Variants in PEX14 observed in about 807,000 individuals in gnomAD.
PEX14 encodes peroxisomal membrane protein PEX14.
Under a neutral mutation model 49.5 loss-of-function variants are expected in PEX14, and 15 were observed. The observed-to-expected ratio is 0.30, with a 90% confidence interval of 0.20 to 0.47. PEX14 has a LOEUF of 0.47. Among genes scored for constraint, PEX14 ranks in the 20% least tolerant of loss-of-function variants. PEX14 has a pLI of 1.00. For synonymous variants in PEX14, 210 were observed against 212.7 expected (o/e 0.99, Z 0.11); for missense variants, 398 against 494.8 (o/e 0.80, Z 1.86).
At chr1:10,563,051 A>T (rs2124533109) in intron 3 of PEX14, among the ~76,000 whole-genome samples, 1 of 148,326 alleles carries the variant, frequency 6.7e-6, no homozygotes, top group South Asian at 2.2e-4. Flanking sequence ...AGCTGGGATT[A>T]CAGGTGCACA....
intron 3 of PEX14, among the ~76,000 whole-genome samples, chr1:10,549,200 A>G (rs1639265379): frequency 6.6e-6 from 1 of 152,192 alleles, no homozygotes; most frequent in Admixed American, 6.5e-5. Context: ...TTTCAATGAA[A>G]CTGAAAGTGC....
At chr1:10,602,005 C>G (rs904164201) in intron 4 of PEX14, among the ~76,000 whole-genome samples, 3 of 152,176 alleles carry the variant, frequency 2.0e-5, no homozygotes, top group Admixed American at 6.5e-5. Flanking sequence ...TCTGGTTGAT[C>G]ACAGAGTTGG....
At chr1:10,578,613 C>T (rs1216497327) in intron 3 of PEX14, among the ~76,000 whole-genome samples, 1 of 151,808 alleles carries the variant, frequency 6.6e-6, no homozygotes, top group Non-Finnish European at 1.5e-5. Context: ...TTAATAGAAA[C>T]AAATTCACAG....
chr1:10,591,877 G>T (rs2124589401), intron 3 of PEX14, among the ~76,000 whole-genome samples: 1 of 152,268 alleles, frequency 6.6e-6, no homozygotes, highest in Admixed American at 6.5e-5. Context: ...CCCCGTGTGG[G>T]AATCCAATTC....
chr1:10,610,524 C>T (rs1301484567), intron 4 of PEX14, among the ~76,000 whole-genome samples: 1 of 151,706 alleles, frequency 6.6e-6, no homozygotes, highest in African/African-American at 2.4e-5. Flanking sequence ...TCTTGTTGCC[C>T]AGGCTGGAGT....
At chr1:10,564,548 A>G (rs2124537572) in intron 3 of PEX14, among the ~76,000 whole-genome samples, 1 of 150,736 alleles carries the variant, frequency 6.6e-6, no homozygotes, top group Admixed American at 6.6e-5. Context: ...AGTAACTGGG[A>G]CTACAGGTGT....
At chr1:10,548,393 A>C (rs1029097835) in intron 3 of PEX14, among the ~76,000 whole-genome samples, 4 of 152,246 alleles carry the variant, frequency 2.6e-5, no homozygotes, top group Non-Finnish European at 5.9e-5. Context: ...AGAAGCAGGG[A>C]TTTTTGAAAC....
At chr1:10,498,704 C>G (rs1252574402) in intron 2 of PEX14, among the ~76,000 whole-genome samples, 2 of 152,188 alleles carry the variant, frequency 1.3e-5, no homozygotes, top group African/African-American at 4.8e-5. Flanking sequence ...GTCATTAGGG[C>G]TAGAGATTGG....
chr1:10,551,541 C>T (rs1427749864), intron 3 of PEX14, among the ~76,000 whole-genome samples: 1 of 152,162 alleles, frequency 6.6e-6, no homozygotes, highest in East Asian at 1.9e-4. Context: ...AAATGTATTT[C>T]ACGCATACTG....
chr1:10,614,769 T>C (rs922363792), intron 4 of PEX14, among the ~76,000 whole-genome samples: 37 of 152,222 alleles, frequency 2.4e-4, no homozygotes, highest in African/African-American at 8.2e-4. Flanking sequence ...GGGAGGGATG[T>C]TCCGGGTATG....
chr1:10,629,595 C>T lies in PEX14; in HGVS notation c.742C>T (p.Pro248Ser). The change falls in exon 9 of 9, where the codon CCG (proline) becomes TCG (serine). Residue 248 changes from proline to serine, a missense_variant. Pro to Ser is a moderately conservative substitution (Grantham distance 74). Around this residue, in one of 3 missense-constraint regions of PEX14, gnomAD observed 202 missense variants for 298.5 expected, o/e 0.68. Transcript: ENST00000356607. The surrounding 1 kb of genome is among the most constrained non-coding windows in gnomAD (Gnocchi z 8.5). The stretch of plus-strand genomic sequence containing the variant: ...CTCCTGGCAGATCCCAGTCAAGTCA[C>T]CGTCACCCTCCAGCCCTGCGGCCGT... ...IPSWQIPVKS[P>S]SPSSPAAVNH... 1 of 1,614,090 alleles carries T rather than the reference C, an allele frequency of 6.2e-7. No homozygotes were observed.
intron 4 of PEX14, among the ~76,000 whole-genome samples, chr1:10,605,900 G>A (rs1265155737): frequency 6.6e-6 from 1 of 152,216 alleles, no homozygotes; most frequent in Admixed American, 6.5e-5. Context: ...GTTGCTGTGT[G>A]TTCTGCCTGG....
intron 2 of PEX14, among the ~76,000 whole-genome samples, chr1:10,511,323 G>A (rs1480625793): frequency 6.6e-6 from 1 of 151,166 alleles, no homozygotes; most frequent in African/African-American, 2.4e-5. Context: ...TTTCATTACT[G>A]TCTCTTTCTC....
chr1:10,578,607 T>C (rs1359924807), intron 3 of PEX14, among the ~76,000 whole-genome samples: 1 of 152,066 alleles, frequency 6.6e-6, no homozygotes, highest in African/African-American at 2.4e-5. Context: ...ACTCAGTTAA[T>C]AGAAACAAAT....
intron 2 of PEX14, among the ~76,000 whole-genome samples, chr1:10,525,838 C>G (rs1638457168): frequency 1.3e-5 from 2 of 151,624 alleles, no homozygotes; most frequent in African/African-American, 4.8e-5. Context: ...ATTGGCCAGG[C>G]TGATCTCGAA....
chr1:10,522,903 A>G (rs1638345213), intron 2 of PEX14, among the ~76,000 whole-genome samples: 1 of 152,260 alleles, frequency 6.6e-6, no homozygotes, highest in Non-Finnish European at 1.5e-5. Context: ...AATATCTGGA[A>G]TATAATTTAA....
intron 4 of PEX14, among the ~76,000 whole-genome samples, chr1:10,614,100 C>G (rs994558887): frequency 6.6e-6 from 1 of 152,138 alleles, no homozygotes; most frequent in African/African-American, 2.4e-5. Flanking sequence ...TTGAGGTGGT[C>G]GTGGCTGGGA....
In PEX14 at chr1:10,549,517, T is replaced by A. The variant is rs535739735; in HGVS notation, c.169+13220T>A. Among the ~76,000 whole-genome samples the A allele has an allele frequency of 3.3e-5, 5 of 152,298 alleles. No homozygotes were observed. The South Asian group carries it at 1.0e-3, about 32-fold the overall frequency. On this transcript the variant is annotated intron_variant, in intron 3 of 8. Transcript: ENST00000356607. ...GGAGCTCCATGATGTCCTCTTTGAGTCTATTTCTCATATTTACTTACATTT... is the reference window on the plus strand; with the variant it reads ...GGAGCTCCATGATGTCCTCTTTGAGACTATTTCTCATATTTACTTACATTT...
chr1:10,610,430 A>G (rs1557427362), intron 4 of PEX14, among the ~76,000 whole-genome samples: 1 of 150,288 alleles, frequency 6.7e-6, no homozygotes, highest in African/African-American at 2.4e-5. Context: ...GAGAGATATC[A>G]TTCTTTTTCA....
Sources: allele counts gnomAD v4.1 joint callset (sites outside exome capture counted in the v4.1 genomes callset), GRCh38; gene constraint gnomAD v4.1.1; regional missense constraint gnomAD v4.1.1; non-coding constraint Gnocchi (gnomAD v3.1); transcripts MANE v1.5; gene names NCBI Gene and HGNC (gene_info 2026-07-23, HGNC 2026-07-21).